Variants in HS3ST5 observed in about 807,000 individuals in gnomAD.
HS3ST5 encodes the protein heparan sulfate-glucosamine 3-sulfotransferase 5, also known as heparan sulfate glucosamine 3-O-sulfotransferase 5.
Under a neutral mutation model 25.4 loss-of-function variants are expected in HS3ST5, and 10 were observed. The observed-to-expected ratio is 0.39, with a 90% CI of 0.24 to 0.67. The LOEUF is 0.67. Ranked by LOEUF, HS3ST5 falls within the 30% of genes least tolerant of loss-of-function variation. The pLI, the probability that HS3ST5 is intolerant of heterozygous loss-of-function variation, is 0.44. For synonymous variants in HS3ST5, 170 were observed against 162.4 expected (o/e 1.05, Z -0.36); for missense variants, 324 against 420.7 (o/e 0.77, Z 2.01).
At chr6:114,155,403 A>T (rs185897643) in intron 3 of HS3ST5, among the ~76,000 whole-genome samples, 4 of 152,156 alleles carry the variant, frequency 2.6e-5, no homozygotes, top group Non-Finnish European at 4.4e-5. Flanking sequence ...AATCAAGCCA[A>T]TGGATTCTAT....
chr6:114,082,632 T>C (rs1774523447), intron 3 of HS3ST5, among the ~76,000 whole-genome samples: 1 of 152,244 alleles, frequency 6.6e-6, no homozygotes, highest in Non-Finnish European at 1.5e-5. Flanking sequence ...ACTGCAGTAG[T>C]AGAGAGAGAC....
intron 3 of HS3ST5, among the ~76,000 whole-genome samples, chr6:114,127,936 T>A (rs1002630896): frequency 1.3e-5 from 2 of 149,666 alleles, no homozygotes; most frequent in Non-Finnish European, 3.0e-5. Context: ...ATGGAGAAAT[T>A]TATATATATA....
At chr6:114,123,422 T>G (rs1440231229) in intron 3 of HS3ST5, among the ~76,000 whole-genome samples, 1 of 152,220 alleles carries the variant, frequency 6.6e-6, no homozygotes, top group African/African-American at 2.4e-5. Context: ...TTAAGAGATG[T>G]CTGACTAAAA....
intron 1 of HS3ST5, chr6:114,238,934 A>G (rs1299825734): frequency 6.6e-6 from 1 of 152,170 alleles, no homozygotes; most frequent in Non-Finnish European, 1.5e-5. Context: ...TCAAATTAGT[A>G]ATTATCCCTT....
intron 1 of HS3ST5, among the ~76,000 whole-genome samples, chr6:114,303,821 T>G (rs1775182859): frequency 6.6e-6 from 1 of 152,154 alleles, no homozygotes; most frequent in Non-Finnish European, 1.5e-5. Flanking sequence ...ATCTAGCAGC[T>G]TTATCTATTG....
Position 114,214,808 on chromosome 6 carries a change from G to A in HS3ST5, c.-145+13777C>T, listed in dbSNP as rs550275993. On this transcript the variant is annotated intron_variant, in intron 2 of 4. Transcript: ENST00000312719. Reference sequence around the variant, plus strand: ...GCTTCCAACTCTTAAGCTAATCATGGCACACGGAAACCTGGTGGCCAATAG... The same window carrying A: ...GCTTCCAACTCTTAAGCTAATCATGACACACGGAAACCTGGTGGCCAATAG... Among the ~76,000 whole-genome samples, 96 of 152,192 alleles carry A rather than the reference G, an allele frequency of 6.3e-4. 1 individual carries two copies. The highest frequency in any genetic ancestry group is 2.2e-3 in the African/African-American group (91 of 41,530).
At chr6:114,153,060 C>G (rs1778533987) in intron 3 of HS3ST5, among the ~76,000 whole-genome samples, 1 of 152,144 alleles carries the variant, frequency 6.6e-6, no homozygotes, top group African/African-American at 2.4e-5. Context: ...ATGGTTGAGA[C>G]TTTACCTATC....
intron 3 of HS3ST5, among the ~76,000 whole-genome samples, chr6:114,117,969 CTT>C (rs1776611990): frequency 6.6e-6 from 1 of 152,140 alleles, no homozygotes; most frequent in African/African-American, 2.4e-5. Flanking sequence ...ATATATTATG[CTT>C]CACAAGGACC....
chr6:114,118,261 A>G (rs909420914), intron 3 of HS3ST5, among the ~76,000 whole-genome samples: 15 of 152,182 alleles, frequency 9.9e-5, no homozygotes, highest in Non-Finnish European at 4.4e-5. Flanking sequence ...CCACTTCCAC[A>G]TAAGTCACAG....
intron 1 of HS3ST5, among the ~76,000 whole-genome samples, chr6:114,255,561 G>A (rs1772868010): frequency 6.6e-6 from 1 of 152,162 alleles, no homozygotes; most frequent in Non-Finnish European, 1.5e-5. Flanking sequence ...CCCTAACAGA[G>A]GTTCTCTGTG....
chr6:114,057,984 G>C lies in HS3ST5; in HGVS notation c.314C>G (p.Ala105Gly). The C allele has an allele frequency of 2.5e-6, 4 of 1,614,180 alleles. No homozygotes were observed. The highest frequency in any genetic ancestry group is 3.4e-6 in the Non-Finnish European group (4 of 1,180,034). ...IIGVRKGGTR[A>G]LLEMLNLHPA... ...ATGTAGGTTCAGCATTTCAAGCAGG[G>C]CCCTTGTGCCTCCTTTCCTCACCCC... Residue 105 changes from alanine to glycine, a missense_variant, in exon 5 of 5, where the codon GCC becomes GGC. By Grantham distance (60) the Ala-to-Gly change is moderately conservative (BLOSUM62 0). Coordinates refer to ENST00000312719, the MANE Select transcript of HS3ST5 (RefSeq NM_153612.4).
intron 1 of HS3ST5, among the ~76,000 whole-genome samples, chr6:114,291,260 A>C (rs1429317928): frequency 6.6e-6 from 1 of 152,154 alleles, no homozygotes; most frequent in African/African-American, 2.4e-5. Context: ...ACACACAACT[A>C]TGTGCATTTC....
intron 2 of HS3ST5, among the ~76,000 whole-genome samples, chr6:114,207,717 T>G (rs937695258): frequency 6.6e-6 from 1 of 152,124 alleles, no homozygotes; most frequent in African/African-American, 2.4e-5. Flanking sequence ...AAAAAAATCT[T>G]GGTGATACAT....
intron 2 of HS3ST5, among the ~76,000 whole-genome samples, chr6:114,170,868 T>C (rs1225483445): frequency 6.6e-6 from 1 of 152,198 alleles, no homozygotes; most frequent in Non-Finnish European, 1.5e-5. Context: ...TAAAGTTCAA[T>C]GTTACTGCCT....
chr6:114,163,550 C>T (rs1286422144), intron 3 of HS3ST5, among the ~76,000 whole-genome samples: 4 of 152,042 alleles, frequency 2.6e-5, no homozygotes, highest in Admixed American at 6.6e-5. Context: ...ATCTGCTCTT[C>T]TCTAGGTGTG....
intron 3 of HS3ST5, among the ~76,000 whole-genome samples, chr6:114,065,913 T>G (rs1269892913): frequency 6.6e-6 from 1 of 152,222 alleles, no homozygotes; most frequent in Non-Finnish European, 1.5e-5. Context: ...TACTGCACAA[T>G]GCTTCGTCCA....
At chr6:114,310,696 T>C (rs747166260) in intron 1 of HS3ST5, among the ~76,000 whole-genome samples, 1 of 152,200 alleles carries the variant, frequency 6.6e-6, no homozygotes. Context: ...TATCTTATGT[T>C]GCTCATTTTC....
intron 3 of HS3ST5, among the ~76,000 whole-genome samples, chr6:114,083,759 T>TC (rs928865668): frequency 6.6e-6 from 1 of 152,200 alleles, no homozygotes; most frequent in African/African-American, 2.4e-5. Context: ...GAAATTCTTG[T>TC]CACCCCATTG....
intron 1 of HS3ST5, among the ~76,000 whole-genome samples, chr6:114,297,446 A>C (rs1275790684): frequency 6.6e-6 from 1 of 152,186 alleles, no homozygotes; most frequent in African/African-American, 2.4e-5. Flanking sequence ...GAAGAGGAAC[A>C]AGATTGGGAA....
Sources: gnomAD v4.1 joint callset for allele counts (sites outside exome capture counted in the v4.1 genomes callset) on GRCh38, gnomAD v4.1.1 for gene constraint, MANE v1.5 for transcripts, NCBI Gene and HGNC (gene_info 2026-07-23, HGNC 2026-07-21) for gene names.